Variants in DST observed in about 807,000 individuals in gnomAD.
DST encodes the protein dystonin.
DST carries 253 observed loss-of-function variants against 875.2 expected under a neutral mutation model. The ratio of observed to expected loss-of-function variants is 0.29; its 90% CI spans 0.26 to 0.32. The LOEUF (loss-of-function observed/expected upper bound fraction) is 0.32, where lower values mean the gene tolerates loss of function less well. Ranked by LOEUF, DST falls within the 10% of genes least tolerant of loss-of-function variation. The probability of loss-of-function intolerance (pLI) is 1.00; values close to 1 mark genes in which losing one functional copy is unlikely to be tolerated. For missense variants in DST, 8,287 were observed against 9,111.6 expected, an observed-to-expected ratio of 0.91 and a Z score of 3.68; for synonymous variants, 3,124 against 3,197.1, an observed-to-expected ratio of 0.98 and a Z score of 0.77.
chr6:56,463,933 T>C (rs948545198), intron 100 of DST, 169 bp from the exon 101 acceptor site: 6 of 764,808 alleles, frequency 7.8e-6, no homozygotes, highest in African/African-American at 1.7e-5. Flanking sequence ...GTTAAATGCA[T>C]TCCTTTACAA....
Position 56,735,707 on chromosome 6 carries a change from T to G in DST, c.626-418A>C, listed in dbSNP as rs534334318. Among the ~76,000 whole-genome samples, 11 of 152,314 alleles carry G rather than the reference T, an allele frequency of 7.2e-5. No homozygotes were observed. The East Asian group carries it at 1.9e-3, about 27-fold the overall frequency. ...TTTTGTAGAATAAGAAACCAAGACT[T>G]AACGAGGATAAAAGACTTGTTCATG... On this transcript the variant is annotated intron_variant, in intron 4 of 103. Transcript: ENST00000680361.
intron 9 of DST, among the ~76,000 whole-genome samples, chr6:56,676,784 A>G (rs1005558453): frequency 6.6e-6 from 1 of 152,210 alleles, no homozygotes; most frequent in Non-Finnish European, 1.5e-5. Flanking sequence ...AGGCACATAA[A>G]GACAAATATT....
At chr6:56,485,060 A>G in intron 88 of DST, 1 of 391,574 alleles carries the variant, frequency 2.6e-6, no homozygotes, top group Non-Finnish European at 4.5e-6. Flanking sequence ...ATCACTTTCC[A>G]AGTTCTAAAA....
Position 56,472,053 on chromosome 6 carries a change from C to T in DST, c.22158+6G>A. On this transcript the variant is annotated splice_donor_region_variant and intron_variant, in intron 94 of 103. Coordinates refer to ENST00000680361, the MANE Select transcript of DST (RefSeq NM_001374736.1). Reference sequence around the variant, plus strand: ...AATGTGGTGTTGAGGGTATGAATTTCCAAACCTCCTCTAGTCTGTCCAAGG... The same window carrying T: ...AATGTGGTGTTGAGGGTATGAATTTTCAAACCTCCTCTAGTCTGTCCAAGG... 1 of 1,613,784 alleles carries T rather than the reference C, an allele frequency of 6.2e-7. No individual in the cohort carries two copies. Among genetic ancestry groups the T allele is most frequent in the Non-Finnish European group, 8.5e-7 (1 of 1,179,738 alleles).
At chr6:56,683,526 T>G (rs1255709705) in intron 9 of DST, among the ~76,000 whole-genome samples, 1 of 152,202 alleles carries the variant, frequency 6.6e-6, no homozygotes, top group Non-Finnish European at 1.5e-5. Context: ...GGTAGTTTGT[T>G]CAAGCTACTT....
At chr6:56,611,796 T>C (rs1175375862) in intron 37 of DST, among the ~76,000 whole-genome samples, 200 bp from the exon 38 acceptor site, 1 of 152,180 alleles carries the variant, frequency 6.6e-6, no homozygotes, top group Non-Finnish European at 1.5e-5. Flanking sequence ...GGAAAGCTCC[T>C]CTCTCTATCC....
At chr6:56,532,732 TAATA>T (rs1431973971) in intron 63 of DST, among the ~76,000 whole-genome samples, 1 of 152,156 alleles carries the variant, frequency 6.6e-6, no homozygotes, top group Non-Finnish European at 1.5e-5. Flanking sequence ...TAGACAAAAC[TAATA>T]TTGGTAAGGC....
chr6:56,580,076 A>C (rs531618609), intron 49 of DST, among the ~76,000 whole-genome samples: 1 of 152,338 alleles, frequency 6.6e-6, no homozygotes, highest in South Asian at 2.1e-4. Context: ...ACTTGGTAAC[A>C]CTATGCAAAG....
In DST at chr6:56,552,618, G is replaced by A. The variant is rs755738894; in HGVS notation, c.16174C>T (p.Arg5392Ter). Residue 5392 changes from arginine (R) to a stop codon, truncating the protein, a stop_gained, in exon 61 of 104, where the codon CGA becomes TGA. Coordinates refer to ENST00000680361, the MANE Select transcript of DST (RefSeq NM_001374736.1). LOFTEE classifies it high-confidence loss of function. ...TCTGCGAACTGAGAAAACATTTCTC[G>A]AATGGTATTCTGGAAATGCCCAATG... Reference protein sequence around the residue: ...QGIGHFQNTIREMFSQFAEFD... With the variant: ...QGIGHFQNTI 2 of 1,613,840 alleles carry A rather than the reference G, an allele frequency of 1.2e-6. No homozygotes were observed. The highest frequency in any genetic ancestry group is 1.7e-6 in the Non-Finnish European group (2 of 1,179,860).
chr6:56,605,801 T>A lies in DST; in HGVS notation c.8827A>T (p.Asn2943Tyr), dbSNP rs752609729. Residue 2943 changes from asparagine to tyrosine, a missense_variant, in exon 40 of 104, where the codon AAT becomes TAT. This residue lies in a region of DST where 3,138 missense variants were observed against 3,116.6 expected (regional missense o/e 1.01). Transcript: ENST00000680361. ...TFGPASISHDNNNISSTSELG... is the reference protein window; with the variant it reads ...TFGPASISHDYNNISSTSELG... ...TCAGAAGTTGAACTGATATTATTATTATCATGTGAAATACTTGCAGGGCCA... is the reference window on the plus strand; with the variant it reads ...TCAGAAGTTGAACTGATATTATTATAATCATGTGAAATACTTGCAGGGCCA... 5.0e-6 allele frequency: 8 copies of A among 1,612,434 alleles called. No homozygotes were observed. The African/African-American group carries it at 9.3e-5, about 19-fold the overall frequency.
intron 4 of DST, among the ~76,000 whole-genome samples, chr6:56,770,125 C>A (rs1323700128): frequency 3.3e-5 from 5 of 152,140 alleles, no homozygotes; most frequent in Non-Finnish European, 7.3e-5. Flanking sequence ...ATAACTTAAT[C>A]AGTGTCTAAA....
chr6:56,487,538 T>C (rs1208888324), intron 86 of DST, among the ~76,000 whole-genome samples: 5 of 152,210 alleles, frequency 3.3e-5, no homozygotes, highest in Non-Finnish European at 5.9e-5. Context: ...TAGATGATCT[T>C]GTCCTATTGT....
rs551897978 is a variant in DST at position 56,792,863 on chromosome 6, T to A, written c.626-57574A>T. On this transcript the variant is annotated intron_variant, in intron 4 of 103. Transcript: ENST00000680361. ...CAGGTGGATTGCTTGAGCTCAGGAG[T>A]TTGAGACCAGCCTAGACAACATGGT... 2.0e-5 allele frequency among the ~76,000 whole-genome samples: 3 copies of A among 150,798 alleles called. No homozygotes were observed. The East Asian group carries it at 5.9e-4, about 30-fold the overall frequency.
At chr6:56,874,489 C>T (rs1778790737) in intron 3 of DST, among the ~76,000 whole-genome samples, 1 of 152,218 alleles carries the variant, frequency 6.6e-6, no homozygotes, top group African/African-American at 2.4e-5. Context: ...ATCATAACTA[C>T]ATTTGTAGTT....
At chr6:56,501,938 T>C (rs1047499947) in intron 78 of DST, among the ~76,000 whole-genome samples, 1 of 152,128 alleles carries the variant, frequency 6.6e-6, no homozygotes, top group Non-Finnish European at 1.5e-5. Context: ...TGACATTTCA[T>C]TTCATTTTGT....
chr6:56,843,382 C>T, intron 4 of DST: 1 of 1,153,248 alleles, frequency 8.7e-7, no homozygotes, highest in Non-Finnish European at 1.1e-6. Context: ...CGCCCGGCTC[C>T]GGGAGCCCGA....
At chr6:56,916,778 T>TCTCTCTCTCTCTCTCTCACA (rs1470233953) in intron 2 of DST, among the ~76,000 whole-genome samples, 9 of 91,342 alleles carry the variant, frequency 9.9e-5, no homozygotes, top group African/African-American at 4.1e-4. Context: ...TCTCTCTCTC[T>TCTCTCTCTCTCTCTCTCACA]CACACACACA....
At chr6:56,699,378 AGT>A (rs967684864) in intron 9 of DST, among the ~76,000 whole-genome samples, 4 of 152,234 alleles carry the variant, frequency 2.6e-5, no homozygotes, top group African/African-American at 9.6e-5. Flanking sequence ...GAGCAAAAAA[AGT>A]GTGTCTCCAG....
chr6:56,783,625 C>T (rs368947892), intron 4 of DST, among the ~76,000 whole-genome samples: 18 of 152,066 alleles, frequency 1.2e-4, no homozygotes, highest in Non-Finnish European at 1.9e-4. Flanking sequence ...TGTCTCTGCA[C>T]GTGAGATGGG....
Sources: allele counts gnomAD v4.1 joint callset (sites outside exome capture counted in the v4.1 genomes callset), GRCh38; gene constraint gnomAD v4.1.1; regional missense constraint gnomAD v4.1.1; transcripts MANE v1.5; gene names NCBI Gene and HGNC (gene_info 2026-07-23, HGNC 2026-07-21).